The following PRPF38A variants were observed in gnomAD, a reference collection of about 807,000 sequenced individuals.
The protein encoded by PRPF38A is pre-mRNA-splicing factor 38A.
A neutral mutation model predicts 46.8 loss-of-function variants in PRPF38A; 11 were observed. The observed-to-expected ratio is 0.24, with a 90% CI of 0.15 to 0.39. The LOEUF (loss-of-function observed/expected upper bound fraction) is 0.39, where lower values mean the gene tolerates loss of function less well. Ranked by LOEUF, PRPF38A falls within the 10% of genes least tolerant of loss-of-function variation. PRPF38A has a pLI of 1.00. For synonymous variants in PRPF38A, 124 were observed against 136.2 expected (o/e 0.91, Z 0.62); for missense variants, 261 against 407.5 (o/e 0.64, Z 3.10).
At chr1:52,407,248 A>G (rs538017268) in intron 2 of PRPF38A, among the ~76,000 whole-genome samples, 2 of 152,248 alleles carry the variant, frequency 1.3e-5, no homozygotes, top group African/African-American at 4.8e-5. Flanking sequence ...CGATCTCCTG[A>G]CCCGGTGACC....
intron 6 of PRPF38A, 64 bp from the exon 7 acceptor site, chr1:52,414,557 G>T: frequency 6.3e-7 from 1 of 1,582,132 alleles, no homozygotes; most frequent in Non-Finnish European, 8.7e-7. Flanking sequence ...GATTGGGGCC[G>T]TTTTTGCAAT....
chr1:52,408,847 T>C, intron 3 of PRPF38A, 157 bp downstream of exon 3: 1 of 864,986 alleles, frequency 1.2e-6, no homozygotes, highest in Non-Finnish European at 1.7e-6. Flanking sequence ...TCATGGGAGT[T>C]TTCAGTCTGA....
intron 3 of PRPF38A, 117 bp from the exon 4 acceptor site, chr1:52,410,998 C>T (rs1028131618): frequency 1.0e-4 from 69 of 682,636 alleles, no homozygotes; most frequent in Non-Finnish European, 1.2e-4. Flanking sequence ...CCCTTAATCT[C>T]TTCTAAAGAG....
intron 3 of PRPF38A, among the ~76,000 whole-genome samples, chr1:52,410,077 T>C (rs1648104827): frequency 6.7e-6 from 1 of 149,062 alleles, no homozygotes; most frequent in Non-Finnish European, 1.5e-5. Context: ...ATACATTTTA[T>C]AATTATATTT....
At chr1:52,409,755 G>A (rs980426540) in intron 3 of PRPF38A, 2 of 152,174 alleles carry the variant, frequency 1.3e-5, no homozygotes, top group African/African-American at 4.8e-5. Flanking sequence ...TGGCCATGAT[G>A]GAGTTATTTA....
Position 52,416,991 on chromosome 1 carries a change from T to C in PRPF38A, c.*301T>C. On this transcript the variant is annotated 3_prime_UTR_variant, in exon 10 of 10. Coordinates refer to ENST00000257181, the MANE Select transcript of PRPF38A (RefSeq NM_032864.4). The stretch of plus-strand genomic sequence containing the variant: ...TGTGGCCACCTGATGACCCTTTCCC[T>C]TTTTATTAAACCGGACACACCTGTT... The C allele has an allele frequency of 3.0e-6, 1 of 338,226 alleles. No homozygotes were observed. The highest frequency in any genetic ancestry group is 4.0e-5 in the Admixed American group (1 of 25,054). 21.0% of individuals were successfully genotyped at this position (338,226 alleles called of 1,614,324 possible). A position where few individuals can be genotyped will look rare whatever the true frequency, so the allele number is the denominator to read the frequency against.
intron 2 of PRPF38A, among the ~76,000 whole-genome samples, chr1:52,406,630 A>G (rs1648005786): frequency 6.6e-6 from 1 of 152,230 alleles, no homozygotes; most frequent in African/African-American, 2.4e-5. Flanking sequence ...CTCTGAACAC[A>G]GCACTTGCTG....
chr1:52,413,370 G>T (rs1316931238), intron 5 of PRPF38A, among the ~76,000 whole-genome samples: 1 of 151,934 alleles, frequency 6.6e-6, no homozygotes, highest in Non-Finnish European at 1.5e-5. Context: ...GTGCTGAAAA[G>T]TTGAAAACAA....
Position 52,408,706 on chromosome 1 carries a change from A to T in PRPF38A, c.412+16A>T. 1 of 1,611,806 alleles carries T rather than the reference A, an allele frequency of 6.2e-7. No homozygotes were observed. The highest frequency in any genetic ancestry group is 8.5e-7 in the Non-Finnish European group (1 of 1,178,138). On this transcript the variant is annotated intron_variant, in intron 3 of 9. Transcript: ENST00000257181. Reference sequence around the variant, plus strand: ...CGAAATGGGGGTAAGTATGGTGCTAAGTCTCCTGATTGTCATTTTTAAGCC... The same window carrying T: ...CGAAATGGGGGTAAGTATGGTGCTATGTCTCCTGATTGTCATTTTTAAGCC...
chr1:52,416,082 G>T (rs978140582), intron 9 of PRPF38A, among the ~76,000 whole-genome samples: 1 of 151,700 alleles, frequency 6.6e-6, no homozygotes, highest in Admixed American at 6.6e-5. Context: ...CTTGTGATCC[G>T]CCCACCTCGG....
At chr1:52,413,020 C>G (rs1414912472) in intron 5 of PRPF38A, among the ~76,000 whole-genome samples, 1 of 152,076 alleles carries the variant, frequency 6.6e-6, no homozygotes, top group East Asian at 1.9e-4. Flanking sequence ...TTTTTTCTAA[C>G]TCTAGCCAAA....
chr1:52,410,686 G>A (rs1648124615), intron 3 of PRPF38A, among the ~76,000 whole-genome samples: 1 of 151,988 alleles, frequency 6.6e-6, no homozygotes, highest in Non-Finnish European at 1.5e-5. Flanking sequence ...GTTTTTAGTA[G>A]AGATGGGGTT....
At chr1:52,405,137 C>G (rs1401688128) in intron 1 of PRPF38A, among the ~76,000 whole-genome samples, 1 of 152,214 alleles carries the variant, frequency 6.6e-6, no homozygotes, top group African/African-American at 2.4e-5. Context: ...TGATAGCAGG[C>G]TGGGTTGCAA....
At position 52,404,632 on chromosome 1, in the gene PRPF38A, C is replaced by A. The variant is rs948617649; in HGVS notation, c.-118C>A. On this transcript the variant is annotated 5_prime_UTR_variant, in exon 1 of 10. Coordinates refer to ENST00000257181, the MANE Select transcript of PRPF38A (RefSeq NM_032864.4). ...ACGGTGTTTCCGGCTTCAAGATGGT[C>A]GCCTAAGCTGTTTAGTGAAACTTCT... 2 of 1,151,394 alleles carry A rather than the reference C, an allele frequency of 1.7e-6. No homozygotes were observed. The highest frequency in any genetic ancestry group is 1.6e-5 in the African/African-American group (1 of 64,376). 71.3% of individuals were successfully genotyped at this position (1,151,394 alleles called of 1,614,324 possible). A position where few individuals can be genotyped will look rare whatever the true frequency, so the allele number is the denominator to read the frequency against.
rs1212322044 is a variant in PRPF38A, at chr1:52,408,779, G to A, written c.412+89G>A. On this transcript the variant is annotated intron_variant, in intron 3 of 9. Transcript: ENST00000257181. ...CTACCTTTGCATTGTCATAGACAGT[G>A]TGAATGCTCCTTTTCATCTACATTG... The A allele has an allele frequency of 4.2e-6, 6 of 1,444,818 alleles. No individual in the cohort carries two copies. The Admixed American group carries it at 9.4e-5, about 23-fold the overall frequency. 89.5% of individuals were successfully genotyped at this position (1,444,818 alleles called of 1,614,324 possible).
intron 9 of PRPF38A, among the ~76,000 whole-genome samples, chr1:52,415,832 C>CTTTTTTTTTTTT (rs71041898): frequency 5.8e-5 from 3 of 51,570 alleles, no homozygotes; most frequent in African/African-American, 2.8e-4. Flanking sequence ...TGGGTGCACT[C>CTTTTTTTTTTTT]TTTTTTTTTT....
intron 3 of PRPF38A, chr1:52,409,602 T>A (rs577463909): frequency 2.0e-4 from 31 of 152,220 alleles, no homozygotes; most frequent in Non-Finnish European, 3.7e-4. Context: ...AGAGCAAGAC[T>A]CCATCTTAAA....
Position 52,410,052 on chromosome 1 carries a change from T to C in PRPF38A, c.413-1063T>C, listed in dbSNP as rs1247991392. Among the ~76,000 whole-genome samples the C allele has an allele frequency of 3.3e-5, 5 of 150,122 alleles. No homozygotes were observed. In the South Asian group the frequency reaches 1.0e-3, roughly 31 times the overall value. On this transcript the variant is annotated intron_variant, in intron 3 of 9. Transcript: ENST00000257181. ...ATATATGTATTTGTATATGTGTATA[T>C]ACACACACATATATATACATTTTAT...
intron 1 of PRPF38A, 61 bp downstream of exon 1, chr1:52,404,940 C>T: frequency 6.3e-7 from 1 of 1,590,484 alleles, no homozygotes; most frequent in Non-Finnish European, 8.6e-7. Flanking sequence ...CCTGACCGAG[C>T]GCGGGTAGGA....
Sources: gnomAD v4.1 joint callset for allele counts (sites outside exome capture counted in the v4.1 genomes callset) on GRCh38, gnomAD v4.1.1 for gene constraint, MANE v1.5 for transcripts, NCBI Gene and HGNC (gene_info 2026-07-23, HGNC 2026-07-21) for gene names.